CPSF2: variants seen among roughly 807,000 people sequenced by gnomAD.
CPSF2 encodes the protein cleavage and polyadenylation specific factor 2.
CPSF2 carries 51 observed loss-of-function variants against 84.2 expected under a neutral mutation model. That is an observed-to-expected ratio of 0.61 (90% confidence interval 0.48 to 0.77). The LOEUF is 0.77. CPSF2 is among the 30% of genes least tolerant of loss of function. The probability of loss-of-function intolerance (pLI) is 0.00; values close to 1 mark genes in which losing one functional copy is unlikely to be tolerated. For missense variants in CPSF2, 641 were observed against 929.4 expected (o/e 0.69, Z 4.03); for synonymous variants, 286 against 311.9 (o/e 0.92, Z 0.87).
At chr14:92,125,476 C>G (rs887778095) in intron 1 of CPSF2, among the ~76,000 whole-genome samples, 3 of 152,090 alleles carry the variant, frequency 2.0e-5, no homozygotes, top group Non-Finnish European at 4.4e-5. Flanking sequence ...AATACTTTCG[C>G]TTTTTATCTC....
intron 7 of CPSF2, among the ~76,000 whole-genome samples, chr14:92,140,747 A>G (rs191458956): frequency 1.0e-3 from 152 of 152,004 alleles, no homozygotes; most frequent in African/African-American, 3.6e-3. Context: ...CCCCATCTCT[A>G]CAAAAAAAAA....
In CPSF2 at chr14:92,168,838, C is replaced by CT. The variant is rs1449427224; in HGVS notation, c.*7095dup. The CT allele has an allele frequency of 6.6e-6, 1 of 152,120 alleles. No homozygotes were observed. The highest frequency in any genetic ancestry group is 1.9e-4 in the East Asian group (1 of 5,194). The allele number at this position is 152,120 out of a possible 1,614,324, so 9.4% of individuals were successfully genotyped here. A position where few individuals can be genotyped will look rare whatever the true frequency, so the allele number is the denominator to read the frequency against. On this transcript the variant is annotated 3_prime_UTR_variant, in exon 16 of 16. Coordinates refer to ENST00000298875, the MANE Select transcript of CPSF2 (RefSeq NM_017437.3). ...TGAGCCTGGGGAGGTTGAGACTGCA[C>CT]TGAGTCTTGAATGAATGAATCCATC...
At chr14:92,139,463 C>G (rs28489057) in intron 7 of CPSF2, among the ~76,000 whole-genome samples, 76,739 of 150,078 alleles carry the variant, frequency 0.51, 21,060 homozygotes, top group East Asian at 0.98. Flanking sequence ...ATAAATGAGG[C>G]TGTAAATATT....
At chr14:92,150,767 T>C (rs1209899874) in intron 9 of CPSF2, among the ~76,000 whole-genome samples, 1 of 152,172 alleles carries the variant, frequency 6.6e-6, no homozygotes, top group African/African-American at 2.4e-5. Flanking sequence ...GTTATTCAGA[T>C]TTGGGTATTT....
intron 3 of CPSF2, among the ~76,000 whole-genome samples, chr14:92,133,285 G>A (rs1348959879): frequency 2.0e-5 from 3 of 151,728 alleles, no homozygotes; most frequent in Admixed American, 1.3e-4. Flanking sequence ...TGGGAGTGGT[G>A]GCACATGCCT....
At chr14:92,143,382 T>G in intron 9 of CPSF2, 88 bp downstream of exon 9, 1 of 918,760 alleles carries the variant, frequency 1.1e-6, no homozygotes, top group East Asian at 2.5e-5. Flanking sequence ...AAAATAAAAC[T>G]TGAAATTGTT....
chr14:92,144,350 A>G (rs887533555), intron 9 of CPSF2, among the ~76,000 whole-genome samples: 2 of 152,172 alleles, frequency 1.3e-5, no homozygotes, highest in East Asian at 1.9e-4. Flanking sequence ...CTATCATGCT[A>G]TCTGCTCCTG....
At chr14:92,131,779 C>T (rs1477057801) in intron 3 of CPSF2, among the ~76,000 whole-genome samples, 1 of 151,714 alleles carries the variant, frequency 6.6e-6, no homozygotes, top group Non-Finnish European at 1.5e-5. Context: ...GCAGAGATTG[C>T]ACTGAGCCGA....
At chr14:92,151,495 T>C (rs1231406655) in intron 9 of CPSF2, among the ~76,000 whole-genome samples, 2 of 151,886 alleles carry the variant, frequency 1.3e-5, no homozygotes, top group Non-Finnish European at 2.9e-5. Flanking sequence ...TGGTTTCAGG[T>C]TCTGCGTTAA....
At chr14:92,145,103 T>C (rs1238511452) in intron 9 of CPSF2, among the ~76,000 whole-genome samples, 2 of 152,176 alleles carry the variant, frequency 1.3e-5, no homozygotes, top group African/African-American at 4.8e-5. Context: ...TAGCAATTGA[T>C]ATAGTGGGAT....
chr14:92,166,027 A>C lies in CPSF2; in HGVS notation c.*4283A>C, dbSNP rs2141490887. ...AGGCACCCACCACCATGCCTGGCTA[A>C]ATTTTTGTATTTTTAGTAAAGACAT... On this transcript the variant is annotated 3_prime_UTR_variant, in exon 16 of 16. Coordinates refer to ENST00000298875, the MANE Select transcript of CPSF2 (RefSeq NM_017437.3). The C allele has an allele frequency of 6.6e-6, 1 of 150,908 alleles. No individual in the cohort carries two copies. Among genetic ancestry groups the C allele is most frequent in the South Asian group, 2.1e-4 (1 of 4,740 alleles). The allele number at this position is 150,908 out of a possible 1,614,324, so 9.3% of individuals were successfully genotyped here. A position where few individuals can be genotyped will look rare whatever the true frequency, so the allele number is the denominator to read the frequency against.
chr14:92,150,421 CCT>C (rs1456775660), intron 9 of CPSF2, among the ~76,000 whole-genome samples: 3 of 151,582 alleles, frequency 2.0e-5, no homozygotes, highest in Non-Finnish European at 2.9e-5. Flanking sequence ...CGCACCAGGC[CCT>C]GTTTTGTGTG....
At position 92,165,603 on chromosome 14, in the gene CPSF2, A is replaced by G. The variant is rs1258012107; in HGVS notation, c.*3859A>G. 1.3e-5 allele frequency: 2 copies of G among 151,534 alleles called. No homozygotes were observed. The highest frequency in any genetic ancestry group is 3.9e-4 in the East Asian group (2 of 5,156). 9.4% of individuals were successfully genotyped at this position (151,534 alleles called of 1,614,324 possible). On this transcript the variant is annotated 3_prime_UTR_variant, in exon 16 of 16. Transcript: ENST00000298875. The stretch of plus-strand genomic sequence containing the variant: ...TAATATCTGTTCATATCCTTTGTCC[A>G]TTTTCAATTTGTTTATGTTCATATC...
intron 5 of CPSF2, 88 bp downstream of exon 5, chr14:92,134,443 A>G: frequency 1.2e-6 from 1 of 827,690 alleles, no homozygotes; most frequent in Non-Finnish European, 1.9e-6. Flanking sequence ...AGAAAATTAT[A>G]GGCATTATAG....
intron 9 of CPSF2, among the ~76,000 whole-genome samples, chr14:92,153,826 C>G (rs1263796052): frequency 6.6e-6 from 1 of 150,660 alleles, no homozygotes; most frequent in Non-Finnish European, 1.5e-5. Flanking sequence ...CTTTAACCAC[C>G]TGAGTAGCGG....
At chr14:92,141,717 G>A (rs1267341474) in intron 7 of CPSF2, among the ~76,000 whole-genome samples, 1 of 152,072 alleles carries the variant, frequency 6.6e-6, no homozygotes, top group Admixed American at 6.6e-5. Flanking sequence ...AGGGATGGCT[G>A]TATATATAAT....
At chr14:92,147,875 C>T (rs929233206) in intron 9 of CPSF2, among the ~76,000 whole-genome samples, 2 of 152,222 alleles carry the variant, frequency 1.3e-5, no homozygotes, top group African/African-American at 4.8e-5. Flanking sequence ...AGGCATGTGC[C>T]GCCATGCCCA....
intron 8 of CPSF2, 96 bp from the exon 9 acceptor site, chr14:92,142,908 G>C (rs1007356446): frequency 1.4e-5 from 15 of 1,070,860 alleles, no homozygotes; most frequent in Non-Finnish European, 1.8e-5. Flanking sequence ...AACCAGTGGG[G>C]GTAAAAGATA....
chr14:92,138,141 T>C (rs1276977838), intron 6 of CPSF2, 91 bp from the exon 7 acceptor site: 1 of 552,948 alleles, frequency 1.8e-6, no homozygotes. Flanking sequence ...GAACACCTTA[T>C]AAATGAAGCT....
Sources: allele counts gnomAD v4.1 joint callset (sites outside exome capture counted in the v4.1 genomes callset), GRCh38; gene constraint gnomAD v4.1.1; transcripts MANE v1.5; gene names NCBI Gene and HGNC (gene_info 2026-07-23, HGNC 2026-07-21).